The following PSD3 variants were observed in gnomAD, a reference collection of about 807,000 sequenced individuals.
PSD3 encodes pleckstrin and Sec7 domain containing 3, also known as PH and SEC7 domain-containing protein 3.
In PSD3, 49 loss-of-function variants were observed where a neutral mutation model predicts 105.5. The observed-to-expected ratio is 0.46, with a 90% CI of 0.37 to 0.59. The LOEUF is 0.59. Ranked by LOEUF, PSD3 falls within the 20% of genes least tolerant of loss-of-function variation. The pLI, the probability that PSD3 is intolerant of heterozygous loss-of-function variation, is 0.00. For missense variants in PSD3, 1,561 were observed against 1,263.8 expected, an observed-to-expected ratio of 1.24 and a Z score of -3.57; for synonymous variants, 557 against 457.8, an observed-to-expected ratio of 1.22 and a Z score of -2.77.
At chr8:19,034,653 T>G (rs944987354) in intron 1 of PSD3, among the ~76,000 whole-genome samples, 2 of 152,200 alleles carry the variant, frequency 1.3e-5, no homozygotes, top group Admixed American at 6.5e-5. Context: ...AACAGGCTTG[T>G]GGCTTAGAGT....
rs113034303 is a variant in PSD3, at chr8:18,768,072, A to T, written c.2083-2534T>A. On this transcript the variant is annotated intron_variant, in intron 8 of 15. Transcript: ENST00000327040. ...GATCACTTGAGGTCAGGAGATTGAG[A>T]CCAGCCTGGCCAACATAATAGAATC... Among the ~76,000 whole-genome samples the T allele has an allele frequency of 6.7e-3, 980 of 146,334 alleles. 18 individuals carry two copies. Among genetic ancestry groups the T allele is most frequent in the African/African-American group, 0.024 (942 of 39,604 alleles).
At chr8:18,750,946 C>G (rs28444570) in intron 9 of PSD3, among the ~76,000 whole-genome samples, 13,780 of 152,184 alleles carry the variant, frequency 0.091, 1,465 homozygotes, top group African/African-American at 0.24. Flanking sequence ...GACTCTCCAC[C>G]TCCCCACCAG....
intron 1 of PSD3, among the ~76,000 whole-genome samples, chr8:19,042,848 A>G (rs912127875): frequency 1.3e-5 from 2 of 152,230 alleles, no homozygotes; most frequent in Non-Finnish European, 2.9e-5. Context: ...CTAAAAAGAA[A>G]GCACAACCTT....
chr8:18,551,435 A>G (rs1467636718), intron 15 of PSD3, among the ~76,000 whole-genome samples: 1 of 152,236 alleles, frequency 6.6e-6, no homozygotes, highest in African/African-American at 2.4e-5. Context: ...ACATATATCA[A>G]TTTTGGAAGG....
intron 11 of PSD3, among the ~76,000 whole-genome samples, chr8:18,614,339 A>ACC (rs1805491698): frequency 7.8e-5 from 6 of 77,204 alleles, no homozygotes; most frequent in African/African-American, 2.5e-4. Context: ...CTTCTCCCCC[A>ACC]TCCCCCCCCC....
intron 9 of PSD3, among the ~76,000 whole-genome samples, chr8:18,721,904 AT>A (rs1673135712): frequency 6.6e-6 from 1 of 152,180 alleles, no homozygotes; most frequent in Admixed American, 6.5e-5. Flanking sequence ...CTGCACACAT[AT>A]TGTTCCCACT....
At chr8:18,748,537 G>A (rs1208621388) in intron 9 of PSD3, among the ~76,000 whole-genome samples, 2 of 151,820 alleles carry the variant, frequency 1.3e-5, no homozygotes, top group Non-Finnish European at 2.9e-5. Flanking sequence ...GCAGGCGCCT[G>A]TAGTCCCAGC....
intron 9 of PSD3, among the ~76,000 whole-genome samples, chr8:18,715,474 TA>T (rs1470884876): frequency 6.6e-6 from 1 of 152,202 alleles, no homozygotes; most frequent in Non-Finnish European, 1.5e-5. Flanking sequence ...TTCAAATTAT[TA>T]AAGAGTAAGT....
At chr8:18,613,083 C>T (rs527787393) in intron 11 of PSD3, among the ~76,000 whole-genome samples, 2 of 152,112 alleles carry the variant, frequency 1.3e-5, no homozygotes, top group African/African-American at 4.8e-5. Flanking sequence ...GCAACAAATC[C>T]CAAAATGACT....
chr8:19,074,688 G>A (rs1320860708), intron 1 of PSD3, among the ~76,000 whole-genome samples: 1 of 131,268 alleles, frequency 7.6e-6, no homozygotes, highest in East Asian at 2.3e-4. Context: ...TGACGCGATC[G>A]CAGCTCACCG....
intron 4 of PSD3, among the ~76,000 whole-genome samples, chr8:18,856,449 G>A (rs1816014059): frequency 6.6e-6 from 1 of 152,200 alleles, no homozygotes. Flanking sequence ...CGGCCTAACA[G>A]AAGAGACAGG....
At chr8:18,753,126 G>A in intron 9 of PSD3, among the ~76,000 whole-genome samples, 1 of 152,100 alleles carries the variant, frequency 6.6e-6, no homozygotes, top group East Asian at 1.9e-4. Flanking sequence ...GGAAGCCGAG[G>A]CAGGTGGATC....
At position 18,606,744 on chromosome 8, in the gene PSD3, T is replaced by G. The variant is rs140694185; in HGVS notation, c.2411-6310A>C. Among the ~76,000 whole-genome samples the G allele has an allele frequency of 2.6e-4, 40 of 151,732 alleles. 2 individuals carry two copies. Among genetic ancestry groups the G allele is most frequent in the African/African-American group, 9.7e-4 (40 of 41,382 alleles). ...TAAGAGAAAAAGGCCAGAACATGAA[T>G]AGAGGCATACGATACATTAAGATAA... is the stretch of plus-strand genomic sequence containing the variant. On this transcript the variant is annotated intron_variant, in intron 11 of 15. Coordinates refer to ENST00000327040, the MANE Select transcript of PSD3 (RefSeq NM_015310.4).
At chr8:18,738,225 C>T (rs767080549) in intron 9 of PSD3, among the ~76,000 whole-genome samples, 5 of 152,130 alleles carry the variant, frequency 3.3e-5, no homozygotes, top group Non-Finnish European at 7.3e-5. Flanking sequence ...TTAGAGGCCT[C>T]CTGGCAGGTG....
In PSD3 at chr8:18,938,093, G is replaced by A. The variant is rs1029827682; in HGVS notation, c.22-1951C>T. ...GGGTTTGATGGGAAGCCACTGAAGCGTTTTATGGGATACAGTGATTCATTT... is the reference window on the plus strand; with the variant it reads ...GGGTTTGATGGGAAGCCACTGAAGCATTTTATGGGATACAGTGATTCATTT... On this transcript the variant is annotated intron_variant, in intron 1 of 15. Transcript: ENST00000327040. Among the ~76,000 whole-genome samples, 10 of 152,260 alleles carry A rather than the reference G, an allele frequency of 6.6e-5. 1 individual carries two copies. In the Middle Eastern group the frequency reaches 0.014, roughly 207 times the overall value.
chr8:18,574,204 G>C (rs1427423475), intron 13 of PSD3, among the ~76,000 whole-genome samples: 1 of 152,060 alleles, frequency 6.6e-6, no homozygotes. Flanking sequence ...ATTACTCTGA[G>C]AGAAACCACA....
intron 2 of PSD3, among the ~76,000 whole-genome samples, chr8:18,930,163 G>C (rs917087890): frequency 6.6e-6 from 1 of 152,098 alleles, no homozygotes; most frequent in Admixed American, 6.5e-5. Context: ...AAGAACACAA[G>C]ACTCACACTT....
chr8:19,027,136 A>G (rs1011550611), intron 1 of PSD3, among the ~76,000 whole-genome samples: 2 of 152,146 alleles, frequency 1.3e-5, no homozygotes, highest in African/African-American at 4.8e-5. Context: ...TTTGTTTCTG[A>G]AAGGAAGGAA....
intron 4 of PSD3, among the ~76,000 whole-genome samples, chr8:18,823,793 C>T (rs978009882): frequency 1.8e-5 from 2 of 112,380 alleles, no homozygotes; most frequent in African/African-American, 6.5e-5. Context: ...CACACACACA[C>T]ACACACACAC....
Sources: gnomAD v4.1 joint callset for allele counts (sites outside exome capture counted in the v4.1 genomes callset) on GRCh38, gnomAD v4.1.1 for gene constraint, MANE v1.5 for transcripts, NCBI Gene and HGNC (gene_info 2026-07-23, HGNC 2026-07-21) for gene names.